Variants in SYT7 observed in about 807,000 individuals in gnomAD.
The protein encoded by SYT7 is synaptotagmin-7.
In SYT7, 29 loss-of-function variants were observed where a neutral mutation model predicts 75.1. The observed-to-expected ratio is 0.39, with a 90% CI of 0.29 to 0.53. The LOEUF is 0.53. SYT7 is among the 20% of genes least tolerant of loss of function. The probability of loss-of-function intolerance (pLI) is 0.77; values close to 1 mark genes in which losing one functional copy is unlikely to be tolerated. For missense variants in SYT7, 693 were observed against 953.2 expected (o/e 0.73, Z 3.59); for synonymous variants, 376 against 401.7 (o/e 0.94, Z 0.76).
intron 1 of SYT7, among the ~76,000 whole-genome samples, chr11:61,568,101 C>G (rs553138184): frequency 2.6e-5 from 4 of 152,306 alleles, no homozygotes; most frequent in East Asian, 1.9e-4. Context: ...ACCTCTCCCC[C>G]ACCCAAACAA....
rs1291299380 is a variant in SYT7 at position 61,523,965 on chromosome 11, G to A, written c.1642-24C>T. On this transcript the variant is annotated intron_variant, in intron 10 of 12. Coordinates refer to ENST00000539008, the MANE Select transcript of SYT7 (RefSeq NM_001365809.2). This position sits in a 1 kb window ranked among gnomAD's most constrained non-coding sequence, Gnocchi z 5.0. The stretch of plus-strand genomic sequence containing the variant: ...CCCTGGGAGGCACGACAGGAGGGGT[G>A]TGGGGAACTAGGCTAGCAGAGCTCT... 6.2e-7 allele frequency: 1 copy of A among 1,607,384 alleles called. No homozygotes were observed. Among genetic ancestry groups the A allele is most frequent in the Non-Finnish European group, 8.5e-7 (1 of 1,174,028 alleles).
rs751999481 is a variant in SYT7, at chr11:61,551,434, C to T, written c.165G>A (p.Thr55=). The stretch of plus-strand genomic sequence containing the variant: ...CACGCCCTGAGTCTGGCGTGCCCAC[C>T]GTCTCCAAGGAATTCTTGTAGCGTT... ...LGKRYKNSLE[T]VGTPDSGRGR... is the part of the protein sequence containing the mutation. The change falls in exon 3 of 13, where the codon ACG becomes ACA. Residue 55 remains threonine (T), a synonymous_variant. Transcript: ENST00000539008. The surrounding 1 kb of genome is among the most constrained non-coding windows in gnomAD (Gnocchi z 5.3). 11 of 1,613,900 alleles carry T rather than the reference C, an allele frequency of 6.8e-6. 1 individual carries two copies. Among genetic ancestry groups the T allele is most frequent in the Admixed American group, 6.7e-5 (4 of 60,014 alleles).
In SYT7 at chr11:61,524,281, T is replaced by A. The variant is rs1590825974; in HGVS notation, c.1641+82A>T. On this transcript the variant is annotated intron_variant, in intron 10 of 12. Transcript: ENST00000539008. The surrounding 1 kb of genome is among the most constrained non-coding windows in gnomAD (Gnocchi z 4.1). ...TCTCCCACAGCCCTCCTGGCCTTCCTAAGGTTGACAAGGGTCTGGGACCAG... is the reference window on the plus strand; with the variant it reads ...TCTCCCACAGCCCTCCTGGCCTTCCAAAGGTTGACAAGGGTCTGGGACCAG... 1 of 1,544,924 alleles carries A rather than the reference T, an allele frequency of 6.5e-7. No homozygotes were observed. The highest frequency in any genetic ancestry group is 8.8e-7 in the Non-Finnish European group (1 of 1,138,284).
At position 61,547,123 on chromosome 11, in the gene SYT7, G is replaced by A; in HGVS notation, c.347+54C>T. ...GTGGGTGGGGGCAGGAGGAGGGAAG[G>A]AGGGCGTGCGCGGATACTCGGTACA... On this transcript the variant is annotated intron_variant, in intron 4 of 12. Transcript: ENST00000539008. 5 of 1,523,374 alleles carry A rather than the reference G, an allele frequency of 3.3e-6. 1 individual carries two copies. Among genetic ancestry groups the A allele is most frequent in the Middle Eastern group, 4.5e-4 (2 of 4,468 alleles). The allele number at this position is 1,523,374 out of a possible 1,614,324, so 94.4% of individuals were successfully genotyped here. A position where few individuals can be genotyped will look rare whatever the true frequency, so the allele number is the denominator to read the frequency against.
chr11:61,555,007 G>A (rs59291208), intron 2 of SYT7, among the ~76,000 whole-genome samples: 2,082 of 152,242 alleles, frequency 0.014, 41 homozygotes, highest in African/African-American at 0.047. Context: ...GGTCTTTCCC[G>A]CAGGTCTCTC....
In SYT7 at chr11:61,565,123, G is replaced by A. The variant is rs181569573; in HGVS notation, c.32-8916C>T. On this transcript the variant is annotated intron_variant, in intron 1 of 12. Coordinates refer to ENST00000539008, the MANE Select transcript of SYT7 (RefSeq NM_001365809.2). The stretch of plus-strand genomic sequence containing the variant: ...CCTCCCACCTGATTCTGCAATACAC[G>A]TCAAGCCCCAGCACTTCCCCACCCC... Among the ~76,000 whole-genome samples the A allele has an allele frequency of 1.2e-4, 19 of 152,230 alleles. 1 individual carries two copies. The East Asian group carries it at 2.9e-3, about 23-fold the overall frequency.
At chr11:61,555,611 G>A (rs2063478174) in intron 2 of SYT7, among the ~76,000 whole-genome samples, 1 of 152,190 alleles carries the variant, frequency 6.6e-6, no homozygotes, top group African/African-American at 2.4e-5. Context: ...AGCCAGGATG[G>A]ATGTGCGGGG....
chr11:61,551,205 G>T lies in SYT7; in HGVS notation c.215+179C>A, dbSNP rs142236537. 1.1e-3 allele frequency among the ~76,000 whole-genome samples: 172 copies of T among 152,256 alleles called. No individual in the cohort carries two copies. Among genetic ancestry groups the T allele is most frequent in the African/African-American group, 4.0e-3 (168 of 41,536 alleles). ...AGCACTACGAGGGGCTTGGGCACAG[G>T]CAGAAAAGACGGGGCCCCTGAGTTT... On this transcript the variant is annotated intron_variant, in intron 3 of 12. Transcript: ENST00000539008. This position sits in a 1 kb window ranked among gnomAD's most constrained non-coding sequence, Gnocchi z 5.3.
At chr11:61,543,022 C>T (rs1786782419) in intron 5 of SYT7, among the ~76,000 whole-genome samples, 1 of 152,218 alleles carries the variant, frequency 6.6e-6, no homozygotes, top group African/African-American at 2.4e-5. Context: ...GGAAAGTCTG[C>T]CTCTGTGTTC....
At chr11:61,577,300 G>C (rs538166360) in intron 1 of SYT7, among the ~76,000 whole-genome samples, 1 of 152,248 alleles carries the variant, frequency 6.6e-6, no homozygotes, top group African/African-American at 2.4e-5. Flanking sequence ...GAGATCATTC[G>C]ATCTTCAGTC....
At position 61,546,553 on chromosome 11, in the gene SYT7, G is replaced by A. The variant is rs1409401810; in HGVS notation, c.348-298C>T. The A allele has an allele frequency of 7.9e-6, 2 of 254,052 alleles. No homozygotes were observed. The highest frequency in any genetic ancestry group is 7.5e-6 in the Non-Finnish European group (1 of 133,370). The allele number at this position is 254,052 out of a possible 1,614,324, so 15.7% of individuals were successfully genotyped here. A position where few individuals can be genotyped will look rare whatever the true frequency, so the allele number is the denominator to read the frequency against. On this transcript the variant is annotated intron_variant, in intron 4 of 12. Coordinates refer to ENST00000539008, the MANE Select transcript of SYT7 (RefSeq NM_001365809.2). The surrounding 1 kb of genome is among the most constrained non-coding windows in gnomAD (Gnocchi z 7.6). Reference sequence around the variant, plus strand: ...AACGCACCACGACAACGGAGGGGGGGCCCCTCCCCACCGCCTGGGGCAGGG... The same window carrying A: ...AACGCACCACGACAACGGAGGGGGGACCCCTCCCCACCGCCTGGGGCAGGG...
intron 1 of SYT7, among the ~76,000 whole-genome samples, chr11:61,565,795 T>C (rs1300053731): frequency 6.6e-6 from 1 of 152,196 alleles, no homozygotes; most frequent in African/African-American, 2.4e-5. Flanking sequence ...GGGAATTGTT[T>C]TGGAAAGTTA....
At chr11:61,535,099 A>G (rs892556916) in intron 7 of SYT7, among the ~76,000 whole-genome samples, 1 of 152,348 alleles carries the variant, frequency 6.6e-6, no homozygotes, top group Non-Finnish European at 1.5e-5. Context: ...ACAGAGAGAC[A>G]GAGGTGAGAG....
Position 61,551,528 on chromosome 11 carries a change from C to T in SYT7, c.136-65G>A. 2.0e-6 allele frequency: 3 copies of T among 1,525,252 alleles called. No homozygotes were observed. Among genetic ancestry groups the T allele is most frequent in the Non-Finnish European group, 2.7e-6 (3 of 1,105,098 alleles). 94.5% of individuals were successfully genotyped at this position (1,525,252 alleles called of 1,614,324 possible). On this transcript the variant is annotated intron_variant, in intron 2 of 12. Coordinates refer to ENST00000539008, the MANE Select transcript of SYT7 (RefSeq NM_001365809.2). This position sits in a 1 kb window ranked among gnomAD's most constrained non-coding sequence, Gnocchi z 5.3. ...CTGTACCCTCCCTACCTCCCCAGAACAGGGACCCGGAGGGGAAGGAGATAG... is the reference window on the plus strand; with the variant it reads ...CTGTACCCTCCCTACCTCCCCAGAATAGGGACCCGGAGGGGAAGGAGATAG...
intron 1 of SYT7, among the ~76,000 whole-genome samples, chr11:61,571,490 C>T (rs2063919182): frequency 6.6e-6 from 1 of 152,270 alleles, no homozygotes; most frequent in Admixed American, 6.5e-5. Context: ...TGCTGCAGCA[C>T]ACAGCCATGT....
At chr11:61,588,174 C>T in the SYT7 span, among the ~76,000 whole-genome samples, 2 of 152,200 alleles carry the variant, frequency 1.3e-5, no homozygotes, top group Non-Finnish European at 2.9e-5. Flanking sequence ...CCCTCTCCCT[C>T]ACCAAGGCCT....
chr11:61,541,314 G>A (rs565733524), intron 6 of SYT7: 448 of 985,362 alleles, frequency 4.5e-4, no homozygotes, highest in Non-Finnish European at 5.2e-4. Flanking sequence ...GGAAGCTCAC[G>A]TTAGGGCAAA....
At chr11:61,567,896 T>C (rs1474916482) in intron 1 of SYT7, among the ~76,000 whole-genome samples, 1 of 152,226 alleles carries the variant, frequency 6.6e-6, no homozygotes, top group Non-Finnish European at 1.5e-5. Context: ...GACTGCATCC[T>C]GGCCGCTTTG....
In SYT7 at chr11:61,517,795, G is replaced by A. The variant is rs991223045; in HGVS notation, c.*832C>T. ...GTGTTCAAGAGATGAAATTGCTGAG[G>A]AGGGAACTACTTCAGATTCTGAGCA... On this transcript the variant is annotated 3_prime_UTR_variant, in exon 13 of 13. Transcript: ENST00000539008. 1 of 367,434 alleles carries A rather than the reference G, an allele frequency of 2.7e-6. No homozygotes were observed. Among genetic ancestry groups the A allele is most frequent in the African/African-American group, 2.1e-5 (1 of 47,596 alleles). 22.8% of individuals were successfully genotyped at this position (367,434 alleles called of 1,614,324 possible).
Sources: gnomAD v4.1 joint callset for allele counts (sites outside exome capture counted in the v4.1 genomes callset) on GRCh38, gnomAD v4.1.1 for gene constraint, Gnocchi (gnomAD v3.1) non-coding constraint, MANE v1.5 for transcripts, NCBI Gene and HGNC (gene_info 2026-07-23, HGNC 2026-07-21) for gene names.